The following GRIN2B variants were observed in gnomAD, a reference collection of about 807,000 sequenced individuals.
The protein encoded by GRIN2B is glutamate ionotropic receptor NMDA type subunit 2B.
In GRIN2B, 5 loss-of-function variants were observed where a neutral mutation model predicts 114.5. That is an observed-to-expected ratio of 0.04 (90% CI 0.02 to 0.09). The LOEUF is 0.09. Ranked by LOEUF, GRIN2B falls within the 10% of genes least tolerant of loss-of-function variation. The probability of loss-of-function intolerance (pLI) is 1.00; values close to 1 mark genes in which losing one functional copy is unlikely to be tolerated. For missense variants in GRIN2B, 1,108 were observed against 1,943.5 expected (o/e 0.57, Z 8.08); for synonymous variants, 787 against 745.1 (o/e 1.06, Z -0.92).
chr12:13,571,772 T>C (rs762344869), intron 11 of GRIN2B, 32 bp downstream of exon 11: 1 of 1,610,174 alleles, frequency 6.2e-7, no homozygotes, highest in Non-Finnish European at 8.5e-7. Context: ...GAGAAACAGA[T>C]CAAGGACTCT....
chr12:13,930,412 C>A (rs1867006103), intron 2 of GRIN2B, among the ~76,000 whole-genome samples: 1 of 152,052 alleles, frequency 6.6e-6, no homozygotes. Context: ...AGGAGGCTCA[C>A]AGCTAGATGA....
Position 13,756,376 on chromosome 12 carries a change from G to A in GRIN2B, c.412-2461C>T, listed in dbSNP as rs116614743. Among the ~76,000 whole-genome samples the A allele has an allele frequency of 7.2e-3, 1,097 of 152,278 alleles. 15 individuals carry two copies. The highest frequency in any genetic ancestry group is 0.024 in the African/African-American group (1,000 of 41,562). On this transcript the variant is annotated intron_variant, in intron 3 of 13. Transcript: ENST00000609686. ...AGCCTGAAAGGACTGAGACAAGTGG[G>A]AATCTGGGGCAATACAATTTTATTC... is the stretch of plus-strand genomic sequence containing the variant.
intron 3 of GRIN2B, among the ~76,000 whole-genome samples, chr12:13,782,606 C>T (rs1415588437): frequency 6.6e-6 from 1 of 152,200 alleles, no homozygotes; most frequent in Non-Finnish European, 1.5e-5. Context: ...CAACATGGTT[C>T]TCCTTCTGAC....
chr12:13,586,869 T>C (rs776578288), intron 10 of GRIN2B, among the ~76,000 whole-genome samples: 1 of 152,226 alleles, frequency 6.6e-6, no homozygotes, highest in Non-Finnish European at 1.5e-5. Flanking sequence ...TGAAAAGTAC[T>C]GCCTTATGCT....
intron 4 of GRIN2B, among the ~76,000 whole-genome samples, chr12:13,720,793 C>T (rs570318691): frequency 6.6e-6 from 1 of 152,212 alleles, no homozygotes; most frequent in South Asian, 2.1e-4. Context: ...CATCTTGGAG[C>T]TGCTCTTGCA....
intron 3 of GRIN2B, among the ~76,000 whole-genome samples, chr12:13,827,442 G>C (rs1033960491): frequency 3.3e-5 from 5 of 151,378 alleles, no homozygotes; most frequent in Non-Finnish European, 7.4e-5. Context: ...TTTCCTATGA[G>C]TCTCTAAAAC....
intron 4 of GRIN2B, among the ~76,000 whole-genome samples, chr12:13,735,009 A>G (rs557717606): frequency 2.0e-5 from 3 of 152,320 alleles, no homozygotes; most frequent in South Asian, 4.1e-4. Context: ...AGGAGAGGGT[A>G]GTTAAATAAG....
intron 3 of GRIN2B, among the ~76,000 whole-genome samples, chr12:13,834,020 C>CTTTTTTTTT (rs71067731): frequency 1.4e-5 from 1 of 72,540 alleles, no homozygotes; most frequent in Non-Finnish European, 2.4e-5. Flanking sequence ...TTGCTAACTT[C>CTTTTTTTTT]TTTTTTTTTT....
chr12:13,921,251 A>T (rs1172440331), intron 2 of GRIN2B, among the ~76,000 whole-genome samples: 1 of 152,078 alleles, frequency 6.6e-6, no homozygotes, highest in Admixed American at 6.6e-5. Flanking sequence ...ACAACACATT[A>T]GCCAGCTGTG....
At chr12:13,801,669 G>A (rs1481191039) in intron 3 of GRIN2B, among the ~76,000 whole-genome samples, 1 of 152,080 alleles carries the variant, frequency 6.6e-6, no homozygotes, top group Non-Finnish European at 1.5e-5. Flanking sequence ...CAGACATAAC[G>A]ATCCTAAGGT....
chr12:13,697,342 C>T (rs746905903), intron 4 of GRIN2B, among the ~76,000 whole-genome samples: 27 of 152,264 alleles, frequency 1.8e-4, no homozygotes, highest in Non-Finnish European at 3.4e-4. Flanking sequence ...TTGAGTCTAT[C>T]AGGGCTTCTG....
Position 13,563,274 on chromosome 12 carries a change from C to T in GRIN2B, c.3964G>A (p.Val1322Ile), listed in dbSNP as rs200255226. 81 of 1,614,108 alleles carry T rather than the reference C, an allele frequency of 5.0e-5. No individual in the cohort carries two copies. Among genetic ancestry groups the T allele is most frequent in the Non-Finnish European group, 5.8e-5 (69 of 1,180,046 alleles). Residue 1322 changes from valine (V) to isoleucine (I), a missense_variant, in exon 14 of 14, where the codon GTA (valine) becomes ATA (isoleucine). This residue lies in a region of GRIN2B where 478 missense variants were observed against 506.0 expected (regional missense o/e 0.94). Coordinates refer to ENST00000609686, the MANE Select transcript of GRIN2B (RefSeq NM_000834.5). ...KEEAALAPRS[V>I]SLKDKGRFMD... ...AATCGGCCCTTGTCTTTCAGGCTTA[C>T]GCTGCGCGGGGCCAGGGCGGCTTCT...
intron 3 of GRIN2B, among the ~76,000 whole-genome samples, chr12:13,771,094 AATCATGGGGGTGG>A (rs1186019761): frequency 6.6e-6 from 1 of 152,174 alleles, no homozygotes; most frequent in African/African-American, 2.4e-5. Context: ...GAGGTAATTT[AATCATGGGGGTGG>A]ATCTTTCCTG....
At chr12:13,941,553 C>T (rs745317381) in intron 2 of GRIN2B, among the ~76,000 whole-genome samples, 4 of 152,144 alleles carry the variant, frequency 2.6e-5, no homozygotes, top group Admixed American at 6.5e-5. Flanking sequence ...AGGATATAAA[C>T]TGTGGGGAGC....
chr12:13,930,029 C>T (rs1432588216), intron 2 of GRIN2B, among the ~76,000 whole-genome samples: 3 of 151,950 alleles, frequency 2.0e-5, no homozygotes, highest in Non-Finnish European at 4.4e-5. Flanking sequence ...ACTAACAACA[C>T]AAAAATTAGC....
At chr12:13,954,823 A>AAAAAAAAAAAAAAAAAAAAC (rs1565599383) in intron 2 of GRIN2B, among the ~76,000 whole-genome samples, 15 of 147,778 alleles carry the variant, frequency 1.0e-4, no homozygotes, top group African/African-American at 3.7e-4. Context: ...AAAAAAAAAA[A>AAAAAAAAAAAAAAAAAAAAC]AAAAAACTTT....
chr12:13,618,132 C>T (rs890468695), intron 5 of GRIN2B, among the ~76,000 whole-genome samples: 8 of 152,160 alleles, frequency 5.3e-5, no homozygotes, highest in South Asian at 2.1e-4. Flanking sequence ...AGAACAAGTC[C>T]GTTTTTTCTC....
intron 2 of GRIN2B, among the ~76,000 whole-genome samples, chr12:13,957,639 T>C (rs1007586597): frequency 6.6e-6 from 1 of 152,134 alleles, no homozygotes; most frequent in Non-Finnish European, 1.5e-5. Flanking sequence ...ATAAGGCTAC[T>C]AGAAGGGAAG....
At chr12:13,909,681 G>A (rs182345361) in intron 2 of GRIN2B, among the ~76,000 whole-genome samples, 205 of 152,218 alleles carry the variant, frequency 1.3e-3, no homozygotes, top group Admixed American at 2.5e-3. Context: ...AGAAAGACTC[G>A]GGAAGAAAAA....
Sources: gnomAD v4.1 joint callset for allele counts (sites outside exome capture counted in the v4.1 genomes callset) on GRCh38, gnomAD v4.1.1 for gene constraint, gnomAD v4.1.1 regional missense constraint, MANE v1.5 for transcripts, NCBI Gene and HGNC (gene_info 2026-07-23, HGNC 2026-07-21) for gene names.